ZNF568: variants seen among roughly 807,000 people sequenced by gnomAD.
ZNF568 encodes the protein zinc finger protein 568, also known as p53 inhibitor of SCO2 activation.
In ZNF568, 11 loss-of-function variants were observed where a neutral mutation model predicts 18.1. The observed-to-expected ratio is 0.61, with a 90% confidence interval of 0.38 to 1.00. The LOEUF (loss-of-function observed/expected upper bound fraction) is 1.00, where lower values mean the gene tolerates loss of function less well. Ranked by LOEUF, ZNF568 falls within the 50% of genes least tolerant of loss-of-function variation. The probability of loss-of-function intolerance (pLI) is 0.01; values close to 1 mark genes in which losing one functional copy is unlikely to be tolerated. For synonymous variants in ZNF568, 213 were observed against 246.6 expected, an observed-to-expected ratio of 0.86 and a Z score of 1.28; for missense variants, 639 against 768.2, an observed-to-expected ratio of 0.83 and a Z score of 1.99.
At chr19:36,942,317 G>A (rs1028249155) in intron 6 of ZNF568, among the ~76,000 whole-genome samples, 1 of 151,724 alleles carries the variant, frequency 6.6e-6, no homozygotes, top group Non-Finnish European at 1.5e-5. Context: ...AGAGATAAAG[G>A]AGCTGGTCGC....
rs991290480 is a variant in ZNF568 at position 36,951,247 on chromosome 19, C to T, written c.*159C>T. ...AATACCATATACATAGATGGAAAAA[C>T]CCAGTATTATAAAAACCTCAATTCT... On this transcript the variant is annotated 3_prime_UTR_variant, in exon 7 of 7. Transcript: ENST00000333987. 5.4e-5 allele frequency: 33 copies of T among 609,926 alleles called. No individual in the cohort carries two copies. Among genetic ancestry groups the T allele is most frequent in the Non-Finnish European group, 7.8e-5 (32 of 412,824 alleles). The allele number at this position is 609,926 out of a possible 1,614,324, so 37.8% of individuals were successfully genotyped here.
chr19:36,924,363 C>T (rs567587256), intron 3 of ZNF568, among the ~76,000 whole-genome samples: 1 of 151,630 alleles, frequency 6.6e-6, no homozygotes, highest in Non-Finnish European at 1.5e-5. Flanking sequence ...GGACTACAGG[C>T]GCACGCCACT....
intron 6 of ZNF568, among the ~76,000 whole-genome samples, chr19:36,972,797 G>A (rs1344169422): frequency 6.6e-6 from 1 of 152,184 alleles, no homozygotes; most frequent in Non-Finnish European, 1.5e-5. Context: ...GAGGCCTTTG[G>A]GCACACACAC....
intron 6 of ZNF568, among the ~76,000 whole-genome samples, chr19:36,968,498 T>G (rs2074211211): frequency 6.7e-6 from 1 of 148,342 alleles, no homozygotes; most frequent in South Asian, 2.1e-4. Context: ...GACCTGAGAT[T>G]GCGCCACTGC....
intron 4 of ZNF568, among the ~76,000 whole-genome samples, chr19:36,932,624 T>G (rs2073706724): frequency 6.6e-6 from 1 of 152,254 alleles, no homozygotes; most frequent in East Asian, 1.9e-4. Flanking sequence ...CCCTACTGTT[T>G]TCCATAGCAG....
intron 2 of ZNF568, among the ~76,000 whole-genome samples, chr19:36,987,461 A>G (rs2074385665): frequency 6.6e-6 from 1 of 152,196 alleles, no homozygotes; most frequent in South Asian, 2.1e-4. Flanking sequence ...TGGCTGGTGC[A>G]TAGAACACCA....
chr19:36,957,017 G>C (rs2074112016), downstream of ZNF568, among the ~76,000 whole-genome samples: 1 of 151,970 alleles, frequency 6.6e-6, no homozygotes, highest in African/African-American at 2.4e-5. Context: ...AACATAATAA[G>C]AGCGTCATTG....
Position 36,991,750 on chromosome 19 carries a change from G to A in ZNF568, c.134-1G>A, listed in dbSNP as rs750281460. 2 of 1,565,338 alleles carry A rather than the reference G, an allele frequency of 1.3e-6. No individual in the cohort carries two copies. The highest frequency in any genetic ancestry group is 1.7e-6 in the Non-Finnish European group (2 of 1,162,438). On this transcript the variant is annotated splice_acceptor_variant, in intron 3 of 4. Coordinates refer to the ZNF568 transcript ENST00000433993. LOFTEE classifies it high-confidence loss of function. ...ACCTTGTTCCCTTTGTTTTTGAGCA[G>A]GGCTTTCTGATACTAAGCCAAATGT... is the stretch of plus-strand genomic sequence containing the variant.
chr19:36,961,483 A>G (rs1225185743), intron 6 of ZNF568, among the ~76,000 whole-genome samples: 1 of 151,966 alleles, frequency 6.6e-6, no homozygotes, highest in African/African-American at 2.4e-5. Context: ...CCATTCAGCC[A>G]TTCTCTATTT....
intron 6 of ZNF568, among the ~76,000 whole-genome samples, chr19:36,948,312 GT>G (rs2073998540): frequency 6.6e-6 from 1 of 152,120 alleles, no homozygotes; most frequent in Non-Finnish European, 1.5e-5. Context: ...TAGCACATCT[GT>G]TTTTATCATT....
At chr19:36,952,864 G>A (rs931211579), downstream of ZNF568, 4 of 178,046 alleles carry the variant, frequency 2.2e-5, no homozygotes, top group African/African-American at 9.6e-5. Flanking sequence ...ACTATTTTAT[G>A]AAAAATCTCT....
At chr19:36,962,121 GTT>G (rs34079346) in intron 6 of ZNF568, among the ~76,000 whole-genome samples, 38 of 141,492 alleles carry the variant, frequency 2.7e-4, no homozygotes, top group South Asian at 4.5e-4. Flanking sequence ...GTTGTTTTAT[GTT>G]TTTTTTTTTT....
intron 4 of ZNF568, among the ~76,000 whole-genome samples, chr19:36,925,645 T>C (rs2073539500): frequency 6.6e-6 from 1 of 151,676 alleles, no homozygotes; most frequent in Admixed American, 6.6e-5. Flanking sequence ...AGATTCTGCA[T>C]CCATAGATTG....
chr19:36,972,678 A>G (rs1281922593), intron 6 of ZNF568, among the ~76,000 whole-genome samples: 1 of 152,114 alleles, frequency 6.6e-6, no homozygotes, highest in Non-Finnish European at 1.5e-5. Flanking sequence ...GCCGACTCCT[A>G]ATTCGTGGCG....
exon 8 of ZNF568, chr19:36,979,075 C>G (rs1440304564): frequency 3.4e-6 from 1 of 295,960 alleles, no homozygotes; most frequent in African/African-American, 2.4e-5. Flanking sequence ...CCTCTGCCTC[C>G]CGAGTTGAAG....
downstream of ZNF568, among the ~76,000 whole-genome samples, chr19:36,982,350 CTT>C (rs2074338668): frequency 6.6e-6 from 1 of 152,056 alleles, no homozygotes; most frequent in South Asian, 2.1e-4. Flanking sequence ...CTAATTCGCT[CTT>C]GAGTTTTTAT....
chr19:36,936,374 T>G (rs530983002), intron 4 of ZNF568, among the ~76,000 whole-genome samples: 18 of 152,288 alleles, frequency 1.2e-4, no homozygotes, highest in African/African-American at 3.9e-4. Flanking sequence ...ATTAACCTTA[T>G]TTACCATTTG....
rs1296783015 is a variant in ZNF568, at chr19:36,951,206, G to C, written c.*118G>C. 1 of 961,548 alleles carries C rather than the reference G, an allele frequency of 1.0e-6. No individual in the cohort carries two copies. The highest frequency in any genetic ancestry group is 1.4e-6 in the Non-Finnish European group (1 of 703,580). The allele number at this position is 961,548 out of a possible 1,614,324, so 59.6% of individuals were successfully genotyped here. ...ATACTTTGTTAAAAGGTGTAAGACT[G>C]GAATAAATGGAAAGAAATACCATAT... On this transcript the variant is annotated 3_prime_UTR_variant, in exon 7 of 7. Transcript: ENST00000333987.
intron 5 of ZNF568, 112 bp from the exon 6 acceptor site, chr19:36,937,035 G>GT: frequency 7.3e-7 from 1 of 1,361,924 alleles, no homozygotes; most frequent in Non-Finnish European, 1.0e-6. Context: ...GTGTCATTGT[G>GT]TAAGTTCATT....
Sources: gnomAD v4.1 joint callset for allele counts (sites outside exome capture counted in the v4.1 genomes callset) on GRCh38, gnomAD v4.1.1 for gene constraint, MANE v1.5 for transcripts, NCBI Gene and HGNC (gene_info 2026-07-23, HGNC 2026-07-21) for gene names.